FRMD4A: variants seen among roughly 807,000 people sequenced by gnomAD.
The protein encoded by FRMD4A is FERM domain containing 4A, also known as FERM domain-containing protein 4A.
In FRMD4A, 29 loss-of-function variants were observed where a neutral mutation model predicts 129.1. That is an observed-to-expected ratio of 0.22 (90% CI 0.17 to 0.31). The LOEUF (loss-of-function observed/expected upper bound fraction) is 0.31. Ranked by LOEUF, FRMD4A falls within the 10% of genes least tolerant of loss-of-function variation. The pLI, the probability that FRMD4A is intolerant of heterozygous loss-of-function variation, is 1.00. For missense variants in FRMD4A, 1,272 were observed against 1,375.8 expected, an observed-to-expected ratio of 0.92 and a Z score of 1.19; for synonymous variants, 634 against 571.6, an observed-to-expected ratio of 1.11 and a Z score of -1.56.
intron 22 of FRMD4A, 145 bp from the exon 23 acceptor site, chr10:13,654,657 T>C: frequency 1.6e-6 from 1 of 615,986 alleles, no homozygotes; most frequent in Non-Finnish European, 2.9e-6. Context: ...GAGCAGGGTC[T>C]CAGCATCCCT....
chr10:14,228,670 C>G (rs967222848), intron 2 of FRMD4A, among the ~76,000 whole-genome samples: 1 of 152,062 alleles, frequency 6.6e-6, no homozygotes, highest in Admixed American at 6.6e-5. Context: ...AACTTGCAAC[C>G]AACCCAACAG....
intron 12 of FRMD4A, chr10:13,707,918 G>C (rs2087634549): frequency 3.0e-6 from 3 of 984,114 alleles, no homozygotes; most frequent in Non-Finnish European, 3.6e-6. Flanking sequence ...GTAATGTTTG[G>C]AAGTAATTAG....
intron 6 of FRMD4A, among the ~76,000 whole-genome samples, chr10:13,772,176 TTATA>T (rs898479545): frequency 3.9e-5 from 5 of 129,504 alleles, no homozygotes; most frequent in Non-Finnish European, 6.6e-5. Flanking sequence ...ATATATTATA[TTATA>T]TATAATTATT....
chr10:13,657,019 T>C lies in FRMD4A; in HGVS notation c.2570A>G (p.Gln857Arg), dbSNP rs2082217535. Residue 857 changes from glutamine to arginine, a missense_variant, in exon 22 of 25, where the codon CAG (glutamine) becomes CGG (arginine). Around this residue, in one of 2 missense-constraint regions of FRMD4A, gnomAD observed 972 missense variants for 892.3 expected, o/e 1.09. Coordinates refer to ENST00000357447, the MANE Select transcript of FRMD4A (RefSeq NM_018027.5). ...PVVVRSLESD[Q>R]EGHYSVKAQF... ...AGCCTTGACGCTGTAGTGGCCCTCC[T>C]GGTCGCTCTCCAGGCTGCGCACCAC... The C allele has an allele frequency of 6.4e-7, 1 of 1,569,108 alleles. No individual in the cohort carries two copies. Among genetic ancestry groups the C allele is most frequent in the Non-Finnish European group, 8.6e-7 (1 of 1,164,566 alleles).
chr10:14,073,853 T>G (rs1248046820), intron 2 of FRMD4A, among the ~76,000 whole-genome samples: 2 of 152,206 alleles, frequency 1.3e-5, no homozygotes, highest in Non-Finnish European at 2.9e-5. Context: ...GGCTCATGTC[T>G]GTAATCCCAG....
Position 13,821,241 on chromosome 10 carries a change from G to A in FRMD4A, c.112-10333C>T, listed in dbSNP as rs11258648. ...GCCCTGCTGCTTAGCTGGGAAGGCTGGTTTCCTTCCTGCCTCTCCAGCACA... is the reference window on the plus strand; with the variant it reads ...GCCCTGCTGCTTAGCTGGGAAGGCTAGTTTCCTTCCTGCCTCTCCAGCACA... On this transcript the variant is annotated intron_variant, in intron 3 of 24. Coordinates refer to ENST00000357447, the MANE Select transcript of FRMD4A (RefSeq NM_018027.5). This position sits in a 1 kb window ranked among gnomAD's most constrained non-coding sequence, Gnocchi z 4.3. Among the ~76,000 whole-genome samples, 20,463 of 152,140 alleles carry A rather than the reference G, an allele frequency of 0.13. 1,669 individuals are homozygous for A. The highest frequency in any genetic ancestry group is 0.32 in the East Asian group (1,672 of 5,150).
intron 2 of FRMD4A, among the ~76,000 whole-genome samples, chr10:14,107,397 G>C (rs901782417): frequency 6.6e-6 from 1 of 152,090 alleles, no homozygotes; most frequent in African/African-American, 2.4e-5. Flanking sequence ...GCTTTAAATA[G>C]TTCCTCCCTG....
At chr10:13,751,359 C>T (rs1028371993) in intron 8 of FRMD4A, among the ~76,000 whole-genome samples, 4 of 152,182 alleles carry the variant, frequency 2.6e-5, no homozygotes, top group African/African-American at 9.7e-5. Flanking sequence ...TGTCCAAATC[C>T]ATTATATTCT....
At chr10:13,704,547 A>T (rs2087214123) in intron 13 of FRMD4A, among the ~76,000 whole-genome samples, 1 of 152,136 alleles carries the variant, frequency 6.6e-6, no homozygotes, top group Non-Finnish European at 1.5e-5. Context: ...GGTCCAACTC[A>T]GACCTCTCCT....
chr10:14,190,331 C>T (rs374801761), intron 2 of FRMD4A, among the ~76,000 whole-genome samples: 1 of 152,166 alleles, frequency 6.6e-6, no homozygotes, highest in Non-Finnish European at 1.5e-5. Flanking sequence ...GCTGGATGTG[C>T]TGGAAGCCGA....
At chr10:13,753,918 T>G (rs1456558374) in intron 8 of FRMD4A, among the ~76,000 whole-genome samples, 1 of 152,338 alleles carries the variant, frequency 6.6e-6, no homozygotes, top group Admixed American at 6.5e-5. Context: ...AGTCTCGTTT[T>G]CTGGGGTGAA....
chr10:14,041,532 C>T (rs1220295809), intron 2 of FRMD4A, among the ~76,000 whole-genome samples: 1 of 152,136 alleles, frequency 6.6e-6, no homozygotes, highest in Non-Finnish European at 1.5e-5. Flanking sequence ...GAAACGTTTA[C>T]AAATAAGTTC....
At chr10:14,017,544 G>A (rs572405830) in intron 2 of FRMD4A, among the ~76,000 whole-genome samples, 91 of 152,308 alleles carry the variant, frequency 6.0e-4, no homozygotes, top group African/African-American at 1.5e-3. Context: ...ATTGGGTGGC[G>A]AATGATCAAC....
intron 2 of FRMD4A, among the ~76,000 whole-genome samples, chr10:14,200,272 T>G (rs1842597000): frequency 6.6e-6 from 1 of 150,580 alleles, no homozygotes; most frequent in Admixed American, 6.6e-5. Flanking sequence ...GGTTGGAAGA[T>G]TAGCACCTGA....
At position 13,680,731 on chromosome 10, in the gene FRMD4A, A is replaced by AG. The variant is rs1168989963; in HGVS notation, c.1118-5688_1118-5687insC. 4.6e-5 allele frequency among the ~76,000 whole-genome samples: 7 copies of AG among 152,132 alleles called. No homozygotes were observed. The East Asian group carries it at 1.2e-3, about 25-fold the overall frequency. On this transcript the variant is annotated intron_variant, in intron 15 of 24. Transcript: ENST00000357447. The stretch of plus-strand genomic sequence containing the variant: ...ACAGAGCGAGACTCCATTTAAAAAA[A>AG]AAAATTTAAAAAAAAGTTTAAAAAA...
intron 18 of FRMD4A, among the ~76,000 whole-genome samples, chr10:13,665,535 A>C (rs2082957946): frequency 6.6e-6 from 1 of 152,178 alleles, no homozygotes; most frequent in Non-Finnish European, 1.5e-5. Flanking sequence ...TCCTTCTAGA[A>C]TTTACCAAAG....
At chr10:13,836,029 A>C (rs1448033847) in intron 3 of FRMD4A, among the ~76,000 whole-genome samples, 17 of 152,148 alleles carry the variant, frequency 1.1e-4, no homozygotes. Flanking sequence ...ATGGAGTCTT[A>C]CTCTGTTGCC....
intron 2 of FRMD4A, among the ~76,000 whole-genome samples, chr10:14,263,604 C>T (rs2132036697): frequency 6.6e-6 from 1 of 152,224 alleles, no homozygotes; most frequent in Non-Finnish European, 1.5e-5. Context: ...TCCTGTGCCC[C>T]AGAAAGATGC....
chr10:14,317,682 G>T (rs1261536820), intron 2 of FRMD4A, among the ~76,000 whole-genome samples: 1 of 145,472 alleles, frequency 6.9e-6, no homozygotes, highest in Non-Finnish European at 1.5e-5. Context: ...AAGAGAATAG[G>T]AAGGGAACAG....
Sources: gnomAD v4.1 joint callset for allele counts (sites outside exome capture counted in the v4.1 genomes callset) on GRCh38, gnomAD v4.1.1 for gene constraint, gnomAD v4.1.1 regional missense constraint, Gnocchi (gnomAD v3.1) non-coding constraint, MANE v1.5 for transcripts, NCBI Gene and HGNC (gene_info 2026-07-23, HGNC 2026-07-21) for gene names.